MCMBP: variants seen among roughly 807,000 people sequenced by gnomAD.
MCMBP encodes the protein mini-chromosome maintenance complex-binding protein.
Under a neutral mutation model 81.3 loss-of-function variants are expected in MCMBP, and 31 were observed. The observed-to-expected ratio is 0.38, with a 90% confidence interval of 0.29 to 0.51. The LOEUF (loss-of-function observed/expected upper bound fraction) is 0.51. Ranked by LOEUF, MCMBP falls within the 20% of genes least tolerant of loss-of-function variation. The pLI is 0.87. For missense variants in MCMBP, 645 were observed against 772.1 expected (o/e 0.84, Z 1.95); for synonymous variants, 267 against 275.9 (o/e 0.97, Z 0.32).
intron 1 of MCMBP, among the ~76,000 whole-genome samples, chr10:119,871,065 T>C (rs1725220860): frequency 6.6e-6 from 1 of 152,230 alleles, no homozygotes; most frequent in South Asian, 2.1e-4. Context: ...AATCAGAGTA[T>C]GGGGTATTTC....
At chr10:119,859,304 A>C (rs377154992) in intron 2 of MCMBP, 123 bp from the exon 3 acceptor site, 27 of 647,174 alleles carry the variant, frequency 4.2e-5, no homozygotes, top group Non-Finnish European at 5.4e-5. Context: ...ACACACACAC[A>C]CCCATGCCAC....
At chr10:119,850,274 G>T (rs61869093) in intron 6 of MCMBP, among the ~76,000 whole-genome samples, 1 of 152,170 alleles carries the variant, frequency 6.6e-6, no homozygotes, top group Non-Finnish European at 1.5e-5. Context: ...TTCTTAAAAT[G>T]ACAAAATTAT....
At chr10:119,864,509 T>C (rs778027983) in intron 1 of MCMBP, among the ~76,000 whole-genome samples, 1 of 148,404 alleles carries the variant, frequency 6.7e-6, no homozygotes, top group Non-Finnish European at 1.5e-5. Context: ...CTTTTTTTCT[T>C]TTCTACTATT....
At position 119,830,097 on chromosome 10, in the gene MCMBP, G is replaced by GT. The variant is rs1303888941; in HGVS notation, c.*1376dup. 6.6e-6 allele frequency: 1 copy of GT among 152,576 alleles called. No individual in the cohort carries two copies. The highest frequency in any genetic ancestry group is 6.6e-5 in the Admixed American group (1 of 15,264). The allele number at this position is 152,576 out of a possible 1,614,324, so 9.5% of individuals were successfully genotyped here. On this transcript the variant is annotated 3_prime_UTR_variant, in exon 16 of 16. Transcript: ENST00000369077. ...CATTTGTTTATAAAAATAGATTTGA[G>GT]TTTAGGAAAAGTTGAACAACTAGTT...
chr10:119,834,144 G>C (rs994636618), intron 14 of MCMBP, among the ~76,000 whole-genome samples: 1 of 152,164 alleles, frequency 6.6e-6, no homozygotes, highest in Non-Finnish European at 1.5e-5. Flanking sequence ...GTCAGAAGGA[G>C]AGCAGAGAGA....
chr10:119,859,076 C>G lies in MCMBP; in HGVS notation c.250G>C (p.Val84Leu), dbSNP rs777897560. 4 of 1,613,692 alleles carry G rather than the reference C, an allele frequency of 2.5e-6. No homozygotes were observed. Among genetic ancestry groups the G allele is most frequent in the Non-Finnish European group, 3.4e-6 (4 of 1,179,844 alleles). Reference protein sequence around the residue: ...DMFDPEFYMGVYETVNQNTKA... With the variant: ...DMFDPEFYMGLYETVNQNTKA... Reference sequence around the variant, plus strand: ...GTGTTTTGGTTAACCGTTTCATAAACTCCCATGTAAAACTCAGGGTCAAAC... The same window carrying G: ...GTGTTTTGGTTAACCGTTTCATAAAGTCCCATGTAAAACTCAGGGTCAAAC... Residue 84 changes from valine to leucine, a missense_variant, in exon 3 of 16, where the codon GTT (valine) becomes CTT (leucine). Physicochemically the swap from Val to Leu is conservative, Grantham distance 32. Coordinates refer to ENST00000369077, the MANE Select transcript of MCMBP (RefSeq NM_001256378.2).
chr10:119,842,708 G>T, intron 9 of MCMBP, 113 bp from the exon 10 acceptor site: 1 of 1,129,764 alleles, frequency 8.9e-7, no homozygotes, highest in South Asian at 1.6e-5. Context: ...AGTAGGTAAA[G>T]CTTAACATAT....
intron 13 of MCMBP, 86 bp downstream of exon 13, chr10:119,836,807 ACTT>A: frequency 2.0e-6 from 1 of 506,804 alleles, no homozygotes; most frequent in Non-Finnish European, 3.1e-6. Context: ...AACAAATGTA[ACTT>A]ATTAATAAGC....
At position 119,831,612 on chromosome 10, in the gene MCMBP, C is replaced by T; in HGVS notation, c.1797-12G>A. 1 of 1,608,040 alleles carries T rather than the reference C, an allele frequency of 6.2e-7. No individual in the cohort carries two copies. The highest frequency in any genetic ancestry group is 8.5e-7 in the Non-Finnish European group (1 of 1,178,540). ...TGAGAGACAGACACCTGGTTTGAAA[C>T]ACAGAAACAAATTTAAGTCTAGAGC... On this transcript the variant is annotated splice_polypyrimidine_tract_variant and intron_variant, in intron 15 of 15. Transcript: ENST00000369077.
chr10:119,866,380 C>G (rs1422283976), intron 1 of MCMBP, among the ~76,000 whole-genome samples: 1 of 152,194 alleles, frequency 6.6e-6, no homozygotes. Context: ...AATCCCAACA[C>G]TTTGGGAGGC....
intron 12 of MCMBP, 78 bp downstream of exon 12, chr10:119,838,457 C>G (rs1456595653): frequency 7.2e-7 from 1 of 1,395,210 alleles, no homozygotes; most frequent in Non-Finnish European, 9.8e-7. Context: ...TCCATAGATA[C>G]TCTTCTAAAA....
chr10:119,843,281 A>T lies in MCMBP; in HGVS notation c.973T>A (p.Cys325Ser). Residue 325 changes from cysteine to serine, a missense_variant, in exon 9 of 16, where the codon TGC becomes AGC. Transcript: ENST00000369077. ...LQHINPLLPA[C>S]LNKEESKTFV... ...GTTTTGCTCTCCTCTTTGTTAAGGC[A>T]GGCAGGCAATAATGGGTTGATGTGT... is the stretch of plus-strand genomic sequence containing the variant. 1 of 1,613,844 alleles carries T rather than the reference A, an allele frequency of 6.2e-7. No individual in the cohort carries two copies.
At chr10:119,866,435 G>A (rs1853456671) in intron 1 of MCMBP, among the ~76,000 whole-genome samples, 1 of 152,212 alleles carries the variant, frequency 6.6e-6, no homozygotes. Context: ...AGAGCAGCCT[G>A]ACCAACATGG....
At chr10:119,861,662 T>C (rs1853258600) in intron 1 of MCMBP, among the ~76,000 whole-genome samples, 1 of 152,178 alleles carries the variant, frequency 6.6e-6, no homozygotes, top group African/African-American at 2.4e-5. Context: ...GAATACCACA[T>C]AACAAATAGT....
rs1760033741 is a variant in MCMBP at position 119,836,932 on chromosome 10, G to A, written c.1506C>T (p.Asn502=). 3.1e-6 allele frequency: 5 copies of A among 1,613,446 alleles called. No homozygotes were observed. The highest frequency in any genetic ancestry group is 1.7e-5 in the Admixed American group (1 of 59,948). ...YHQMEFPCNI[N]VFITSEGRSL... is the part of the protein sequence containing the mutation. ...ACCTCCCCTCCGAAGTAATGAAAACGTTAATATTGCAGGGGAATTCCATCT... is the reference window on the plus strand; with the variant it reads ...ACCTCCCCTCCGAAGTAATGAAAACATTAATATTGCAGGGGAATTCCATCT... Residue 502 remains asparagine (N), a synonymous_variant, in exon 13 of 16, where the codon AAC becomes AAT. Transcript: ENST00000369077.
At chr10:119,833,491 A>AG (rs1486024043) in intron 14 of MCMBP, among the ~76,000 whole-genome samples, 1 of 151,876 alleles carries the variant, frequency 6.6e-6, no homozygotes, top group East Asian at 1.9e-4. Context: ...AAAAAAAGAA[A>AG]GAAAAAAAAA....
chr10:119,873,115 T>A (rs1289152201), upstream of MCMBP, among the ~76,000 whole-genome samples: 1 of 152,024 alleles, frequency 6.6e-6, no homozygotes, highest in Non-Finnish European at 1.5e-5. Context: ...AGTGGGCTTA[T>A]AAGAGGGCAA....
At chr10:119,856,542 G>T (rs768325003) in intron 5 of MCMBP, among the ~76,000 whole-genome samples, 1 of 152,174 alleles carries the variant, frequency 6.6e-6, no homozygotes, top group Non-Finnish European at 1.5e-5. Context: ...CAGGGGAGGA[G>T]GTAGTGACTA....
intron 1 of MCMBP, among the ~76,000 whole-genome samples, chr10:119,869,859 A>C (rs540963819): frequency 7.9e-5 from 12 of 152,330 alleles, no homozygotes; most frequent in African/African-American, 2.9e-4. Flanking sequence ...ACATACTAAA[A>C]AGCGGTGTCC....
Sources: gnomAD v4.1 joint callset for allele counts (sites outside exome capture counted in the v4.1 genomes callset) on GRCh38, gnomAD v4.1.1 for gene constraint, MANE v1.5 for transcripts, NCBI Gene and HGNC (gene_info 2026-07-23, HGNC 2026-07-21) for gene names.